GLRA2: variants seen among roughly 807,000 people sequenced by gnomAD.
GLRA2 encodes glycine receptor alpha 2.
GLRA2 carries 11 observed loss-of-function variants against 31.6 expected under a neutral mutation model. The observed-to-expected ratio is 0.35, with a 90% CI of 0.22 to 0.58. The LOEUF is 0.58. Among genes scored for constraint, GLRA2 ranks in the 20% least tolerant of loss-of-function variants. The pLI is 0.84. For synonymous variants in GLRA2, 132 were observed against 134.0 expected, an observed-to-expected ratio of 0.99 and a Z score of 0.10; for missense variants, 212 against 351.8, an observed-to-expected ratio of 0.60 and a Z score of 3.18.
chrX:14,616,347 T>G lies in GLRA2; in HGVS notation c.930+7142T>G, dbSNP rs766772974. ...AATGACCTAGGTGTGCAGACGACTC[T>G]GACAGGTCCAGAACTGTCTCTTTGA... On this transcript the variant is annotated intron_variant, in intron 7 of 8. Coordinates refer to ENST00000218075, the MANE Select transcript of GLRA2 (RefSeq NM_002063.4). Among the ~76,000 whole-genome samples the G allele has an allele frequency of 5.4e-5, 6 of 111,617 alleles. No individual in the cohort carries two copies. In the South Asian group the frequency reaches 2.3e-3, roughly 42 times the overall value.
chrX:14,492,464 A>C, the GLRA2 span, among the ~76,000 whole-genome samples: 1 of 111,994 alleles, frequency 8.9e-6, no homozygotes, highest in East Asian at 2.8e-4. Flanking sequence ...TTTAGATATA[A>C]TACATAAATT....
chrX:14,475,959 C>T, the GLRA2 span, among the ~76,000 whole-genome samples: 3 of 111,340 alleles, frequency 2.7e-5, no homozygotes, highest in East Asian at 2.8e-4. Context: ...TCCCCTAATG[C>T]GTAATAAATG....
At chrX:14,560,398 G>A (rs1217101990) in intron 2 of GLRA2, among the ~76,000 whole-genome samples, 5 of 112,040 alleles carry the variant, frequency 4.5e-5, no homozygotes, top group South Asian at 3.7e-4. Flanking sequence ...TTAAAAGGAC[G>A]CTGGGAAATA....
At chrX:14,727,412 C>T (rs912181307) in intron 8 of GLRA2, among the ~76,000 whole-genome samples, 4 of 111,907 alleles carry the variant, frequency 3.6e-5, no homozygotes, top group East Asian at 2.8e-4. Context: ...ATTCCCAGAG[C>T]GGATCTCTCT....
chrX:14,681,910 A>ATAT (rs1556060453), intron 7 of GLRA2, among the ~76,000 whole-genome samples: 26 of 41,274 alleles, frequency 6.3e-4, no homozygotes, highest in African/African-American at 1.5e-3. Context: ...AAAAAAAAAA[A>ATAT]ATATATATAT....
the GLRA2 span, among the ~76,000 whole-genome samples, chrX:14,512,801 A>G: frequency 8.9e-6 from 1 of 111,932 alleles, no homozygotes; most frequent in African/African-American, 3.2e-5. Flanking sequence ...CACGTTCATG[A>G]ATGGGTAGAA....
intron 7 of GLRA2, among the ~76,000 whole-genome samples, chrX:14,622,660 T>C (rs2090535570): frequency 8.9e-6 from 1 of 111,782 alleles, no homozygotes; most frequent in Non-Finnish European, 1.9e-5. Flanking sequence ...GATCAGATGG[T>C]TATAGATGTG....
chrX:14,599,572 T>C (rs1485880008), intron 4 of GLRA2, among the ~76,000 whole-genome samples: 1 of 112,107 alleles, frequency 8.9e-6, no homozygotes, highest in Non-Finnish European at 1.9e-5. Context: ...GTTCTTTTTT[T>C]CCCCCAAACT....
At chrX:14,724,665 T>C (rs1003860194) in intron 8 of GLRA2, among the ~76,000 whole-genome samples, 9 of 93,419 alleles carry the variant, frequency 9.6e-5, no homozygotes, top group Non-Finnish European at 1.4e-4. Context: ...AGAAGAAGAA[T>C]GGCAGTTGCT....
intron 3 of GLRA2, among the ~76,000 whole-genome samples, chrX:14,576,741 C>T (rs2089963319): frequency 1.8e-5 from 2 of 112,131 alleles, no homozygotes; most frequent in African/African-American, 3.2e-5. Context: ...ATGGGCTGCT[C>T]AGGTACTTCC....
intron 3 of GLRA2, among the ~76,000 whole-genome samples, chrX:14,577,200 G>A (rs5935778): frequency 0.39 from 43,472 of 112,023 alleles, 7,646 homozygotes; most frequent in African/African-American, 0.71. Flanking sequence ...TTGTGGTGGT[G>A]CACCAATAAA....
the GLRA2 span, among the ~76,000 whole-genome samples, chrX:14,449,100 C>T: frequency 8.9e-6 from 1 of 112,432 alleles, no homozygotes; most frequent in Non-Finnish European, 1.9e-5. Context: ...ATTTGGTGTA[C>T]TCGTGAACCT....
chrX:14,664,948 T>C (rs2091024823), intron 7 of GLRA2, among the ~76,000 whole-genome samples: 1 of 111,548 alleles, frequency 9.0e-6, no homozygotes, highest in South Asian at 3.8e-4. Flanking sequence ...ACATTGGTAC[T>C]CAGATATGGA....
chrX:14,463,676 A>G, the GLRA2 span, among the ~76,000 whole-genome samples: 1 of 110,968 alleles, frequency 9.0e-6, no homozygotes, highest in East Asian at 2.9e-4. Flanking sequence ...ACCCGCCGAG[A>G]CAAGCACAGG....
At chrX:14,523,027 T>G in the GLRA2 span, among the ~76,000 whole-genome samples, 1 of 112,285 alleles carries the variant, frequency 8.9e-6, no homozygotes, top group East Asian at 2.8e-4. Flanking sequence ...TCTCTAGCTA[T>G]GAAAGTCCTA....
intron 8 of GLRA2, among the ~76,000 whole-genome samples, chrX:14,695,373 T>C (rs1006815508): frequency 1.8e-5 from 2 of 111,730 alleles, no homozygotes; most frequent in African/African-American, 6.5e-5. Flanking sequence ...AAAGAATGCA[T>C]TTGGCAAAGG....
At chrX:14,485,231 G>A in the GLRA2 span, among the ~76,000 whole-genome samples, 29 of 112,203 alleles carry the variant, frequency 2.6e-4, 1 homozygote, top group Non-Finnish European at 2.3e-4. Context: ...TTACGAAGCT[G>A]CAGAATATGA....
intron 3 of GLRA2, among the ~76,000 whole-genome samples, chrX:14,575,011 T>G (rs1246371937): frequency 9.4e-6 from 1 of 106,509 alleles, no homozygotes; most frequent in Non-Finnish European, 1.9e-5. Context: ...ATTAGAAAAA[T>G]ACACACACAC....
intron 2 of GLRA2, among the ~76,000 whole-genome samples, chrX:14,553,269 C>A (rs1024641396): frequency 8.9e-6 from 1 of 111,862 alleles, no homozygotes; most frequent in Non-Finnish European, 1.9e-5. Flanking sequence ...GCAGATTCAG[C>A]CTTCAATTGC....
Sources: gnomAD v4.1 joint callset for allele counts (sites outside exome capture counted in the v4.1 genomes callset) on GRCh38, gnomAD v4.1.1 for gene constraint, MANE v1.5 for transcripts, NCBI Gene and HGNC (gene_info 2026-07-23, HGNC 2026-07-21) for gene names.